The following PPP3CA variants were observed in gnomAD, a reference collection of about 807,000 sequenced individuals.
PPP3CA encodes CAM-PRP catalytic subunit.
In PPP3CA, 14 loss-of-function variants were observed where a neutral mutation model predicts 66.5. The ratio of observed to expected loss-of-function variants is 0.21; its 90% confidence interval spans 0.14 to 0.33. PPP3CA has a LOEUF of 0.33. PPP3CA is among the 10% of genes least tolerant of loss of function. The pLI is 1.00. For missense variants in PPP3CA, 317 were observed against 639.5 expected, an observed-to-expected ratio of 0.50 and a Z score of 5.44; for synonymous variants, 232 against 226.2, an observed-to-expected ratio of 1.03 and a Z score of -0.23.
At chr4:101,081,559 C>T (rs1349410192) in intron 7 of PPP3CA, among the ~76,000 whole-genome samples, 3 of 152,166 alleles carry the variant, frequency 2.0e-5, no homozygotes, top group Non-Finnish European at 4.4e-5. Flanking sequence ...TTAGGAGTAT[C>T]AGTTTAGAAA....
chr4:101,171,688 G>A (rs1723886422), intron 2 of PPP3CA, among the ~76,000 whole-genome samples: 1 of 152,240 alleles, frequency 6.6e-6, no homozygotes, highest in South Asian at 2.1e-4. Flanking sequence ...TCATGACTTT[G>A]TAGAAGAATT....
chr4:101,076,308 A>G (rs1249424775), intron 8 of PPP3CA, among the ~76,000 whole-genome samples: 2 of 98,248 alleles, frequency 2.0e-5, no homozygotes, highest in Admixed American at 9.2e-5. Context: ...TTAATTCTCC[A>G]AAAAAAAAAA....
chr4:101,053,058 T>C (rs1014264825), intron 10 of PPP3CA, among the ~76,000 whole-genome samples: 1 of 152,098 alleles, frequency 6.6e-6, no homozygotes, highest in Non-Finnish European at 1.5e-5. Context: ...AGGGACCATA[T>C]GTGTTCTGTT....
chr4:101,040,684 C>T, intron 10 of PPP3CA, 118 bp from the exon 11 acceptor site: 1 of 714,802 alleles, frequency 1.4e-6, no homozygotes, highest in South Asian at 2.7e-5. Flanking sequence ...TTTTTTTCCC[C>T]CTTAAGAGGA....
At chr4:101,218,374 T>C (rs898256863) in intron 1 of PPP3CA, among the ~76,000 whole-genome samples, 3 of 152,180 alleles carry the variant, frequency 2.0e-5, no homozygotes, top group African/African-American at 7.2e-5. Flanking sequence ...AAAACTCCCA[T>C]TAAAAACCCG....
intron 1 of PPP3CA, among the ~76,000 whole-genome samples, chr4:101,225,878 A>G (rs990909526): frequency 1.3e-5 from 2 of 151,794 alleles, no homozygotes; most frequent in African/African-American, 4.8e-5. Flanking sequence ...GAGGCAATCA[A>G]GTTATCAGTT....
intron 1 of PPP3CA, among the ~76,000 whole-genome samples, chr4:101,205,841 A>C (rs1725114644): frequency 1.3e-5 from 2 of 152,210 alleles, no homozygotes; most frequent in Admixed American, 1.3e-4. Context: ...TTTTGCATGT[A>C]AAAGGTGATC....
At chr4:101,028,944 A>G in intron 13 of PPP3CA, among the ~76,000 whole-genome samples, 1 of 152,178 alleles carries the variant, frequency 6.6e-6, no homozygotes, top group East Asian at 1.9e-4. Context: ...TATAGTATTC[A>G]TCATATACAA....
intron 10 of PPP3CA, among the ~76,000 whole-genome samples, chr4:101,045,366 G>T (rs1474385524): frequency 6.6e-6 from 1 of 152,164 alleles, no homozygotes; most frequent in Admixed American, 6.5e-5. Context: ...CAGTAATGTT[G>T]GTAGCTTCAA....
intron 2 of PPP3CA, among the ~76,000 whole-genome samples, chr4:101,170,026 T>C (rs1723823716): frequency 1.3e-5 from 2 of 151,976 alleles, no homozygotes. Context: ...CCTATTTCTA[T>C]AGTTTTCCAT....
chr4:101,128,338 A>T (rs1244342252), intron 2 of PPP3CA, among the ~76,000 whole-genome samples: 1 of 152,142 alleles, frequency 6.6e-6, no homozygotes, highest in Non-Finnish European at 1.5e-5. Flanking sequence ...CCTTGGTCTG[A>T]TCATCCATCA....
At chr4:101,334,808 T>C (rs971916838) in intron 1 of PPP3CA, among the ~76,000 whole-genome samples, 5 of 152,134 alleles carry the variant, frequency 3.3e-5, no homozygotes, top group Admixed American at 2.6e-4. Context: ...TCGGCCTTTC[T>C]TCCCCCCAGA....
Position 101,032,282 on chromosome 4 carries a change from G to C in PPP3CA, c.1324C>G (p.Gln442Glu). 1 of 1,605,352 alleles carries C rather than the reference G, an allele frequency of 6.2e-7. No homozygotes were observed. The highest frequency in any genetic ancestry group is 8.5e-7 in the Non-Finnish European group (1 of 1,176,376). Residue 442 changes from glutamine to glutamate, a missense_variant, in exon 12 of 14, where the codon CAA becomes GAA. Physicochemically the swap from Gln to Glu is conservative, Grantham distance 29. This residue lies in a region of PPP3CA where 201 missense variants were observed against 501.4 expected (regional missense o/e 0.40). Coordinates refer to ENST00000394854, the MANE Select transcript of PPP3CA (RefSeq NM_000944.5). ...LPSGVLSGGK[Q>E]TLQSATVEAI... is the part of the protein sequence containing the mutation. ...GCCTGCTTACCGCTTTGCAGGGTTT[G>C]CTTCCCTCCAGAAAGTACTCCGCTG...
chr4:101,180,048 A>T (rs1724186751), intron 2 of PPP3CA, among the ~76,000 whole-genome samples: 1 of 152,162 alleles, frequency 6.6e-6, no homozygotes, highest in Non-Finnish European at 1.5e-5. Flanking sequence ...ACCATGATTA[A>T]TGCACCCAAA....
At chr4:101,346,614 G>A in intron 1 of PPP3CA, 125 bp downstream of exon 1, 2 of 831,170 alleles carry the variant, frequency 2.4e-6, no homozygotes, top group Non-Finnish European at 3.8e-6. Context: ...TATCCTAGAA[G>A]GTCCGCGGCT....
intron 2 of PPP3CA, among the ~76,000 whole-genome samples, chr4:101,152,710 G>A (rs1723182060): frequency 6.6e-6 from 1 of 152,122 alleles, no homozygotes; most frequent in East Asian, 1.9e-4. Flanking sequence ...AAATATTTAA[G>A]ATAACCTACC....
intron 2 of PPP3CA, among the ~76,000 whole-genome samples, chr4:101,190,955 C>T (rs1724582134): frequency 6.6e-6 from 1 of 152,160 alleles, no homozygotes; most frequent in South Asian, 2.1e-4. Context: ...GGAACAAAAG[C>T]CCAAGACTTT....
At chr4:101,307,624 G>A (rs1379483111) in intron 1 of PPP3CA, among the ~76,000 whole-genome samples, 1 of 152,186 alleles carries the variant, frequency 6.6e-6, no homozygotes, top group African/African-American at 2.4e-5. Flanking sequence ...CATAAGTCCA[G>A]TGTTAAAAAC....
At chr4:101,128,177 C>T (rs763692679) in intron 2 of PPP3CA, among the ~76,000 whole-genome samples, 1 of 152,080 alleles carries the variant, frequency 6.6e-6, no homozygotes. Context: ...CTCAAAATTG[C>T]AGCTAGATAG....
Sources: allele counts gnomAD v4.1 joint callset (sites outside exome capture counted in the v4.1 genomes callset), GRCh38; gene constraint gnomAD v4.1.1; regional missense constraint gnomAD v4.1.1; transcripts MANE v1.5; gene names NCBI Gene and HGNC (gene_info 2026-07-23, HGNC 2026-07-21).